Variants in BMAL1 observed in about 807,000 individuals in gnomAD.
BMAL1 encodes basic helix-loop-helix ARNT-like protein 1.
the BMAL1 span, among the ~76,000 whole-genome samples, chr11:13,299,645 T>G: frequency 6.6e-6 from 1 of 152,082 alleles, no homozygotes; most frequent in Non-Finnish European, 1.5e-5. Flanking sequence ...TCTAGAGTCA[T>G]TTTCTTTTCC....
the BMAL1 span, among the ~76,000 whole-genome samples, chr11:13,384,550 C>T: frequency 6.6e-6 from 1 of 152,140 alleles, no homozygotes; most frequent in Non-Finnish European, 1.5e-5. Flanking sequence ...AAAAAGAATA[C>T]AATTATTTGA....
chr11:13,326,041 A>G, the BMAL1 span, among the ~76,000 whole-genome samples: 1 of 151,826 alleles, frequency 6.6e-6, no homozygotes, highest in African/African-American at 2.4e-5. Flanking sequence ...TGTGTCTACT[A>G]AAAATACAAA....
chr11:13,373,390 T>A, the BMAL1 span, among the ~76,000 whole-genome samples: 1 of 152,200 alleles, frequency 6.6e-6, no homozygotes, highest in Non-Finnish European at 1.5e-5. Flanking sequence ...CTCAGCTGTC[T>A]TGTGGCCTCA....
chr11:13,323,342 C>T, the BMAL1 span, among the ~76,000 whole-genome samples: 2 of 152,198 alleles, frequency 1.3e-5, no homozygotes, highest in Non-Finnish European at 2.9e-5. Context: ...GCCCCCAACT[C>T]CCATACCCAC....
chr11:13,341,269 G>A, the BMAL1 span, among the ~76,000 whole-genome samples: 8 of 152,302 alleles, frequency 5.3e-5, no homozygotes, highest in East Asian at 9.6e-4. Flanking sequence ...CCTGTCCCAC[G>A]GATCCCTTCC....
At chr11:13,307,507 G>A in the BMAL1 span, among the ~76,000 whole-genome samples, 2 of 152,210 alleles carry the variant, frequency 1.3e-5, no homozygotes, top group Admixed American at 1.3e-4. Flanking sequence ...TTGGTGGCCA[G>A]ATGGAGGCAA....
At chr11:13,299,124 C>T in the BMAL1 span, among the ~76,000 whole-genome samples, 11 of 152,122 alleles carry the variant, frequency 7.2e-5, no homozygotes, top group Non-Finnish European at 1.3e-4. Flanking sequence ...ATGTTTGTGC[C>T]CCCTCCCAAG....
the BMAL1 span, among the ~76,000 whole-genome samples, chr11:13,288,428 T>TTTTTTC: frequency 0.068 from 3,528 of 51,612 alleles, 189 homozygotes; most frequent in African/African-American, 0.22. Flanking sequence ...TTTTTTCTTT[T>TTTTTTC]TTTTTTTTTT....
the BMAL1 span, among the ~76,000 whole-genome samples, chr11:13,307,162 T>C: frequency 1.3e-5 from 2 of 152,106 alleles, no homozygotes; most frequent in Non-Finnish European, 2.9e-5. Flanking sequence ...CTGGGGAAGA[T>C]AAAAAAGACT....
the BMAL1 span, among the ~76,000 whole-genome samples, chr11:13,370,284 GTC>G: frequency 6.6e-6 from 1 of 152,022 alleles, no homozygotes; most frequent in African/African-American, 2.4e-5. Flanking sequence ...TCTGTCTGCA[GTC>G]TCTCTCTGTT....
the BMAL1 span, among the ~76,000 whole-genome samples, chr11:13,320,656 C>A: frequency 6.6e-6 from 1 of 152,202 alleles, no homozygotes; most frequent in Non-Finnish European, 1.5e-5. Context: ...AATATGAGTC[C>A]TCTCTTATCT....
At chr11:13,317,956 C>G in the BMAL1 span, among the ~76,000 whole-genome samples, 3 of 152,212 alleles carry the variant, frequency 2.0e-5, no homozygotes, top group African/African-American at 7.2e-5. Flanking sequence ...TAGTGGCCAA[C>G]ATTTAAAAAT....
chr11:13,287,572 A>C, the BMAL1 span, among the ~76,000 whole-genome samples: 15 of 152,304 alleles, frequency 9.8e-5, no homozygotes, highest in East Asian at 2.5e-3. Flanking sequence ...GCTTTGGATA[A>C]ATTTTTAATT....
the BMAL1 span, chr11:13,386,533 C>T: frequency 1.4e-6 from 2 of 1,427,520 alleles, no homozygotes; most frequent in Non-Finnish European, 1.9e-6. Context: ...TTAGGAATTG[C>T]TTACTTAATC....
At chr11:13,348,861 C>T in the BMAL1 span, among the ~76,000 whole-genome samples, 6 of 152,114 alleles carry the variant, frequency 3.9e-5, no homozygotes, top group African/African-American at 1.4e-4. Context: ...ATCTCTATAG[C>T]GATCGAGGCA....
At chr11:13,371,068 G>A in the BMAL1 span, among the ~76,000 whole-genome samples, 52 of 152,198 alleles carry the variant, frequency 3.4e-4, no homozygotes, top group South Asian at 6.2e-4. Flanking sequence ...TTATTTGTGC[G>A]ATTATTTGTT....
At chr11:13,366,824 C>T in the BMAL1 span, 1 of 1,533,092 alleles carries the variant, frequency 6.5e-7, no homozygotes, top group Admixed American at 1.7e-5. Flanking sequence ...GCAGCCCACT[C>T]ACAGGCAGCC....
At chr11:13,354,899 A>G in the BMAL1 span, 1 of 233,342 alleles carries the variant, frequency 4.3e-6, no homozygotes, top group African/African-American at 2.2e-5. Context: ...GTCCTCTCTG[A>G]AAACAATTTA....
chr11:13,282,044 G>T, the BMAL1 span, among the ~76,000 whole-genome samples: 86 of 152,276 alleles, frequency 5.6e-4, 1 homozygote, highest in Non-Finnish European at 9.4e-4. Context: ...CCTGTAATCT[G>T]CATTTGTGGT....
Sources: gnomAD v4.1 joint callset for allele counts (sites outside exome capture counted in the v4.1 genomes callset) on GRCh38, gnomAD v4.1.1 for gene constraint, MANE v1.5 for transcripts, NCBI Gene and HGNC (gene_info 2026-07-23, HGNC 2026-07-21) for gene names.